Variants in BICD1 observed in about 807,000 individuals in gnomAD.
BICD1 encodes protein bicaudal D homolog 1.
BICD1 carries 35 observed loss-of-function variants against 92.5 expected under a neutral mutation model. That is an observed-to-expected ratio of 0.38 (90% confidence interval 0.29 to 0.50). The LOEUF (loss-of-function observed/expected upper bound fraction) is 0.50. Ranked by LOEUF, BICD1 falls within the 20% of genes least tolerant of loss-of-function variation. BICD1 has a pLI of 0.93. For missense variants in BICD1, 950 were observed against 1,189.8 expected, an observed-to-expected ratio of 0.80 and a Z score of 2.97; for synonymous variants, 429 against 465.1, an observed-to-expected ratio of 0.92 and a Z score of 1.00.
In BICD1 at chr12:32,313,234, T is replaced by C. The variant is rs2136231204; in HGVS notation, c.1005+7112T>C. ...TGCATCCTCATGGATGTGGAAGAAA[T>C]ATATTCATATTATGTTTTGATCCAC... On this transcript the variant is annotated intron_variant, in intron 4 of 9. Coordinates refer to ENST00000652176, the MANE Select transcript of BICD1 (RefSeq NM_001714.4). This position sits in a 1 kb window ranked among gnomAD's most constrained non-coding sequence, Gnocchi z 4.2. Among the ~76,000 whole-genome samples, 1 of 152,278 alleles carries C rather than the reference T, an allele frequency of 6.6e-6. No homozygotes were observed. The highest frequency in any genetic ancestry group is 3.4e-3 in the Middle Eastern group (1 of 294).
At chr12:32,311,022 G>C (rs1478169780) in intron 4 of BICD1, among the ~76,000 whole-genome samples, 1 of 152,056 alleles carries the variant, frequency 6.6e-6, no homozygotes, top group African/African-American at 2.4e-5. Flanking sequence ...AAATGCCTCT[G>C]TCGACGAAGC....
intron 1 of BICD1, among the ~76,000 whole-genome samples, chr12:32,112,298 G>A (rs1311994723): frequency 1.3e-5 from 2 of 152,116 alleles, no homozygotes; most frequent in East Asian, 1.9e-4. Context: ...GAGCCCCCAC[G>A]CCCAGCCCCT....
At chr12:32,212,044 G>A (rs551146827) in intron 1 of BICD1, among the ~76,000 whole-genome samples, 33 of 152,224 alleles carry the variant, frequency 2.2e-4, no homozygotes, top group Non-Finnish European at 3.5e-4. Flanking sequence ...AATTTCTGTC[G>A]AGAGACTGAA....
At chr12:32,214,640 T>A (rs983190571) in intron 1 of BICD1, among the ~76,000 whole-genome samples, 3 of 152,224 alleles carry the variant, frequency 2.0e-5, no homozygotes, top group African/African-American at 7.2e-5. Flanking sequence ...AGAACTGTGA[T>A]TTCCATAATC....
intron 1 of BICD1, among the ~76,000 whole-genome samples, chr12:32,182,959 A>G (rs1399896016): frequency 7.3e-6 from 1 of 136,074 alleles, no homozygotes; most frequent in African/African-American, 2.8e-5. Context: ...CAGTGGTGTG[A>G]TCACAGATCA....
chr12:32,228,873 A>G (rs1945786024), intron 2 of BICD1, among the ~76,000 whole-genome samples: 1 of 152,192 alleles, frequency 6.6e-6, no homozygotes, highest in African/African-American at 2.4e-5. Flanking sequence ...AATTTCTATT[A>G]GAGGTCCACC....
At chr12:32,196,065 G>C (rs1166094403) in intron 1 of BICD1, among the ~76,000 whole-genome samples, 1 of 152,160 alleles carries the variant, frequency 6.6e-6, no homozygotes, top group African/African-American at 2.4e-5. Context: ...CTAATCATGA[G>C]AGAAATGCAA....
intron 2 of BICD1, among the ~76,000 whole-genome samples, chr12:32,278,864 A>AAAAT (rs59177126): frequency 0.03 from 4,448 of 150,416 alleles, 76 homozygotes; most frequent in Middle Eastern, 0.051. Flanking sequence ...TCAAAGAAAT[A>AAAAT]AAATAAATAA....
At chr12:32,292,020 T>C (rs977050943) in intron 2 of BICD1, among the ~76,000 whole-genome samples, 5 of 152,178 alleles carry the variant, frequency 3.3e-5, no homozygotes, top group Admixed American at 3.3e-4. Context: ...CTTCTGTCAC[T>C]GTAGATTAGT....
At position 32,337,363 on chromosome 12, in the gene BICD1, C is replaced by T; in HGVS notation, c.2253-136C>T. 2 of 705,498 alleles carry T rather than the reference C, an allele frequency of 2.8e-6. No homozygotes were observed. The highest frequency in any genetic ancestry group is 1.8e-5 in the African/African-American group (1 of 55,806). 43.7% of individuals were successfully genotyped at this position (705,498 alleles called of 1,614,324 possible). On this transcript the variant is annotated intron_variant, in intron 6 of 9. Coordinates refer to ENST00000652176, the MANE Select transcript of BICD1 (RefSeq NM_001714.4). This position sits in a 1 kb window ranked among gnomAD's most constrained non-coding sequence, Gnocchi z 4.7. ...CCAGTTTTCTGCTATTGTGGGTTAT[C>T]TACATTCTATTGCTAGACCTTTAAA...
At chr12:32,226,385 C>T (rs922644812) in intron 2 of BICD1, among the ~76,000 whole-genome samples, 11 of 152,322 alleles carry the variant, frequency 7.2e-5, no homozygotes, top group African/African-American at 1.9e-4. Context: ...CCACCTGTCT[C>T]GGCCTCCCAA....
intron 1 of BICD1, among the ~76,000 whole-genome samples, chr12:32,118,091 A>T (rs200318801): frequency 4.3e-5 from 2 of 46,832 alleles, no homozygotes; most frequent in African/African-American, 6.7e-5. Flanking sequence ...TATTTTATTT[A>T]TTTTTTTTGA....
intron 3 of BICD1, among the ~76,000 whole-genome samples, chr12:32,301,752 G>T (rs979922488): frequency 1.3e-5 from 2 of 152,066 alleles, no homozygotes; most frequent in African/African-American, 4.8e-5. Context: ...TCTAGCCTGG[G>T]CAACAGAGCA....
chr12:32,287,622 T>C (rs1947606949), intron 2 of BICD1, among the ~76,000 whole-genome samples: 2 of 151,018 alleles, frequency 1.3e-5, no homozygotes, highest in Non-Finnish European at 2.9e-5. Context: ...CTGCAAGCTC[T>C]GCCTCCTGGG....
intron 2 of BICD1, among the ~76,000 whole-genome samples, chr12:32,284,899 A>G (rs1259888723): frequency 1.3e-5 from 2 of 152,192 alleles, no homozygotes; most frequent in Non-Finnish European, 2.9e-5. Flanking sequence ...CTAATTTAAC[A>G]TTTTATTCTA....
At chr12:32,346,952 T>TC (rs896997028) in intron 8 of BICD1, among the ~76,000 whole-genome samples, 2 of 115,812 alleles carry the variant, frequency 1.7e-5, no homozygotes, top group African/African-American at 6.5e-5. Context: ...TCTTTTCTTT[T>TC]CTTTTTTTTT....
chr12:32,358,711 T>TG (rs1172989064), intron 8 of BICD1, among the ~76,000 whole-genome samples: 1 of 151,944 alleles, frequency 6.6e-6, no homozygotes, highest in Non-Finnish European at 1.5e-5. Context: ...CACTCCAGCC[T>TG]GGCGACAGAG....
At chr12:32,291,907 G>A (rs552904551) in intron 2 of BICD1, among the ~76,000 whole-genome samples, 19 of 152,208 alleles carry the variant, frequency 1.2e-4, no homozygotes, top group African/African-American at 4.6e-4. Context: ...GGAAAGTCAG[G>A]TATACTTCTA....
At position 32,274,389 on chromosome 12, in the gene BICD1, T is replaced by A. The variant is rs150030690; in HGVS notation, c.427-19605T>A. ...AGATTCTGGAAACACATTTTGATAGTCAGGGTCACAGATATTGCTCTGTTT... is the reference window on the plus strand; with the variant it reads ...AGATTCTGGAAACACATTTTGATAGACAGGGTCACAGATATTGCTCTGTTT... On this transcript the variant is annotated intron_variant, in intron 2 of 9. Coordinates refer to ENST00000652176, the MANE Select transcript of BICD1 (RefSeq NM_001714.4). Among the ~76,000 whole-genome samples the A allele has an allele frequency of 2.8e-4, 43 of 152,296 alleles. 1 individual carries two copies. Among genetic ancestry groups the A allele is most frequent in the African/African-American group, 1.0e-3 (43 of 41,572 alleles).
Sources: gnomAD v4.1 joint callset for allele counts (sites outside exome capture counted in the v4.1 genomes callset) on GRCh38, gnomAD v4.1.1 for gene constraint, Gnocchi (gnomAD v3.1) non-coding constraint, MANE v1.5 for transcripts, NCBI Gene and HGNC (gene_info 2026-07-23, HGNC 2026-07-21) for gene names.